Variants in SLC44A1 observed in about 807,000 individuals in gnomAD.
SLC44A1 encodes the protein choline transporter-like protein 1.
A neutral mutation model predicts 79.3 loss-of-function variants in SLC44A1; 26 were observed. The observed-to-expected ratio is 0.33, with a 90% CI of 0.24 to 0.46. The LOEUF (loss-of-function observed/expected upper bound fraction) is 0.46. SLC44A1 is among the 20% of genes least tolerant of loss of function. The probability of loss-of-function intolerance (pLI) is 1.00; values close to 1 mark genes in which losing one functional copy is unlikely to be tolerated. For missense variants in SLC44A1, 688 were observed against 798.1 expected, an observed-to-expected ratio of 0.86 and a Z score of 1.66; for synonymous variants, 263 against 286.2, an observed-to-expected ratio of 0.92 and a Z score of 0.82.
chr9:105,416,522 T>C (rs1829173267), intron 15 of SLC44A1, among the ~76,000 whole-genome samples: 1 of 152,144 alleles, frequency 6.6e-6, no homozygotes, highest in Non-Finnish European at 1.5e-5. Context: ...AATTGAGGCC[T>C]AGGGGAAAAG....
At chr9:105,399,116 T>C (rs1198507051), downstream of SLC44A1, among the ~76,000 whole-genome samples, 2 of 152,218 alleles carry the variant, frequency 1.3e-5, no homozygotes, top group African/African-American at 2.4e-5. Flanking sequence ...GCTTTATGCT[T>C]TTAATTTGAT....
chr9:105,408,803 A>G (rs938506096), intron 15 of SLC44A1, among the ~76,000 whole-genome samples: 3 of 152,238 alleles, frequency 2.0e-5, no homozygotes, highest in African/African-American at 7.2e-5. Context: ...GTATAAAGAT[A>G]TAATGTATGA....
chr9:105,300,047 C>G (rs7020982), intron 2 of SLC44A1: 71,420 of 532,374 alleles, frequency 0.13, 9,684 homozygotes, highest in African/African-American at 0.55. Flanking sequence ...CTGGAAAAAA[C>G]ATAGAAAACT....
intron 15 of SLC44A1, among the ~76,000 whole-genome samples, chr9:105,420,414 A>T (rs554912867): frequency 7.7e-4 from 117 of 152,308 alleles, no homozygotes; most frequent in African/African-American, 2.8e-3. Flanking sequence ...TCCCGGAGAC[A>T]TGTGCATGGT....
chr9:105,362,075 T>C (rs533653058), intron 8 of SLC44A1, among the ~76,000 whole-genome samples: 9,568 of 149,416 alleles, frequency 0.064, 350 homozygotes, highest in South Asian at 0.12. Flanking sequence ...CGCGCGCGCG[T>C]GTGTGTGTGT....
chr9:105,322,848 T>C (rs1826436999), intron 3 of SLC44A1, among the ~76,000 whole-genome samples: 1 of 151,994 alleles, frequency 6.6e-6, no homozygotes, highest in Non-Finnish European at 1.5e-5. Flanking sequence ...ATGGTTGTTA[T>C]ATTTTGTATA....
At chr9:105,358,869 A>C (rs1371559407) in intron 7 of SLC44A1, among the ~76,000 whole-genome samples, 1 of 152,064 alleles carries the variant, frequency 6.6e-6, no homozygotes, top group Non-Finnish European at 1.5e-5. Context: ...TATACGTTAC[A>C]TTTTCACTTC....
At chr9:105,371,498 AGGCC>A (rs913797387) in intron 12 of SLC44A1, among the ~76,000 whole-genome samples, 3 of 146,098 alleles carry the variant, frequency 2.1e-5, no homozygotes, top group African/African-American at 8.3e-5. Flanking sequence ...GAGGCCAAGG[AGGCC>A]TTGTGGATCA....
chr9:105,361,389 A>G, intron 8 of SLC44A1, 59 bp downstream of exon 8: 1 of 1,471,490 alleles, frequency 6.8e-7, no homozygotes, highest in Non-Finnish European at 9.2e-7. Context: ...GGAGATCATT[A>G]ATGGAGCAGA....
At chr9:105,318,732 G>A (rs976883857) in intron 3 of SLC44A1, among the ~76,000 whole-genome samples, 3 of 144,184 alleles carry the variant, frequency 2.1e-5, no homozygotes, top group Non-Finnish European at 4.4e-5. Context: ...ATCCAGCTAC[G>A]TACCTTAGAA....
chr9:105,339,651 G>A (rs2900398), intron 4 of SLC44A1, among the ~76,000 whole-genome samples: 5 of 152,046 alleles, frequency 3.3e-5, no homozygotes, highest in South Asian at 4.2e-4. Context: ...ACAACGTAGT[G>A]AGATCTCGTC....
intron 15 of SLC44A1, among the ~76,000 whole-genome samples, chr9:105,411,066 T>C (rs1829088487): frequency 6.6e-6 from 1 of 152,196 alleles, no homozygotes; most frequent in Admixed American, 6.6e-5. Flanking sequence ...GAAATACGGT[T>C]TCCTTTTTGG....
At position 105,393,250 on chromosome 9, in the gene SLC44A1, C is replaced by A. The variant is rs1828806262; in HGVS notation, c.*4194C>A. Reference sequence around the variant, plus strand: ...TTGTGTGCTAAGAATGCATGTTAGCCCTTTTGAAAAGTAGGCACTATTCAT... The same window carrying A: ...TTGTGTGCTAAGAATGCATGTTAGCACTTTTGAAAAGTAGGCACTATTCAT... On this transcript the variant is annotated 3_prime_UTR_variant, in exon 16 of 16. Coordinates refer to ENST00000374720, the MANE Select transcript of SLC44A1 (RefSeq NM_080546.5). 3.0e-6 allele frequency: 3 copies of A among 985,186 alleles called. No individual in the cohort carries two copies. Among genetic ancestry groups the A allele is most frequent in the Non-Finnish European group, 3.6e-6 (3 of 829,854 alleles). 61.0% of individuals were successfully genotyped at this position (985,186 alleles called of 1,614,324 possible). A position where few individuals can be genotyped will look rare whatever the true frequency, so the allele number is the denominator to read the frequency against.
At chr9:105,414,743 G>A (rs540409669) in intron 15 of SLC44A1, among the ~76,000 whole-genome samples, 41 of 152,208 alleles carry the variant, frequency 2.7e-4, no homozygotes, top group African/African-American at 9.9e-4. Flanking sequence ...GCTGTAGTAC[G>A]TGATGAACAC....
In SLC44A1 at chr9:105,392,439, G is replaced by T. The variant is rs1313298452; in HGVS notation, c.*3383G>T. ...TTTTTTTTTTTTTTTTTCCGTGAGGGCATTAGGCTGCTGATTGTAAGTTAT... is the reference window on the plus strand; with the variant it reads ...TTTTTTTTTTTTTTTTTCCGTGAGGTCATTAGGCTGCTGATTGTAAGTTAT... On this transcript the variant is annotated 3_prime_UTR_variant, in exon 16 of 16. Transcript: ENST00000374720. 1.1e-6 allele frequency: 1 copy of T among 872,542 alleles called. No homozygotes were observed. The highest frequency in any genetic ancestry group is 1.3e-4 in the East Asian group (1 of 7,440). The allele number at this position is 872,542 out of a possible 1,614,324, so 54.0% of individuals were successfully genotyped here. A position where few individuals can be genotyped will look rare whatever the true frequency, so the allele number is the denominator to read the frequency against.
chr9:105,385,974 C>T (rs1332871630), intron 15 of SLC44A1: 2 of 985,264 alleles, frequency 2.0e-6, no homozygotes, highest in African/African-American at 3.5e-5. Context: ...CTGTCCTTTT[C>T]CCTTGGCTGA....
In SLC44A1 at chr9:105,365,460, CT is replaced by C. The variant is rs1285623899; in HGVS notation, c.1254-18del. 3 of 1,593,386 alleles carry C rather than the reference CT, an allele frequency of 1.9e-6. No individual in the cohort carries two copies. The South Asian group carries it at 3.3e-5, about 18-fold the overall frequency. On this transcript the variant is annotated intron_variant, in intron 10 of 15. Coordinates refer to ENST00000374720, the MANE Select transcript of SLC44A1 (RefSeq NM_080546.5). ...CTGATCTAGGCTTTGTTTTAATTGT[CT>C]TTTTGGTCATTTTTTAAATAGGGAT...
chr9:105,435,537 A>C (rs987769806), intron 15 of SLC44A1, among the ~76,000 whole-genome samples: 1 of 152,242 alleles, frequency 6.6e-6, no homozygotes, highest in African/African-American at 2.4e-5. Context: ...TCGACTGATT[A>C]GTTAGGGCAG....
chr9:105,369,902 G>T (rs1332237981), intron 12 of SLC44A1, among the ~76,000 whole-genome samples: 1 of 152,162 alleles, frequency 6.6e-6, no homozygotes, highest in South Asian at 2.1e-4. Flanking sequence ...TCACACAAAA[G>T]TACAACCAGG....
Sources: allele counts gnomAD v4.1 joint callset (sites outside exome capture counted in the v4.1 genomes callset), GRCh38; gene constraint gnomAD v4.1.1; transcripts MANE v1.5; gene names NCBI Gene and HGNC (gene_info 2026-07-23, HGNC 2026-07-21).